The following ANKRD24 variants were observed in gnomAD, a reference collection of about 807,000 sequenced individuals.
The protein encoded by ANKRD24 is ankyrin repeat domain-containing protein 24.
Under a neutral mutation model 127.8 loss-of-function variants are expected in ANKRD24, and 109 were observed. The observed-to-expected ratio is 0.85, with a 90% CI of 0.73 to 1.00. The LOEUF (loss-of-function observed/expected upper bound fraction) is 1.00, where lower values mean the gene tolerates loss of function less well. ANKRD24 is among the 50% of genes least tolerant of loss of function. ANKRD24 has a pLI of 0.00. For synonymous variants in ANKRD24, 743 were observed against 671.1 expected (o/e 1.11, Z -1.66); for missense variants, 1,648 against 1,570.2 (o/e 1.05, Z -0.84).
In ANKRD24 at chr19:4,218,198, C is replaced by T. The variant is rs572918349; in HGVS notation, c.3003+35C>T. ...GCTGGTCACCACCCGGGCCCCACCC[C>T]CATTGGCCACGTGGCGGCCTGTTTT... On this transcript the variant is annotated intron_variant, in intron 18 of 21. Transcript: ENST00000318934. 3.1e-4 allele frequency: 440 copies of T among 1,409,448 alleles called. 1 individual carries two copies. The highest frequency in any genetic ancestry group is 3.9e-4 in the Non-Finnish European group (418 of 1,079,482). The allele number at this position is 1,409,448 out of a possible 1,614,324, so 87.3% of individuals were successfully genotyped here. A position where few individuals can be genotyped will look rare whatever the true frequency, so the allele number is the denominator to read the frequency against.
chr19:4,204,050 G>A (rs576710602), intron 7 of ANKRD24, among the ~76,000 whole-genome samples: 2 of 134,204 alleles, frequency 1.5e-5, no homozygotes, highest in East Asian at 4.9e-4. Context: ...TGCAAGCTCC[G>A]CCTCCCGGGT....
intron 1 of ANKRD24, among the ~76,000 whole-genome samples, chr19:4,185,311 G>C (rs894509737): frequency 6.6e-5 from 10 of 152,036 alleles, no homozygotes; most frequent in Admixed American, 6.5e-4. Context: ...GTTTGTGGGT[G>C]GTGGCCAGTG....
intron 19 of ANKRD24, among the ~76,000 whole-genome samples, chr19:4,220,772 G>T (rs1451239476): frequency 6.6e-6 from 1 of 151,828 alleles, no homozygotes; most frequent in East Asian, 2.0e-4. Flanking sequence ...AGCTGGGATG[G>T]TCTCAATCTC....
chr19:4,193,563 C>T (rs953551532), intron 2 of ANKRD24, among the ~76,000 whole-genome samples: 9 of 151,446 alleles, frequency 5.9e-5, no homozygotes, highest in Non-Finnish European at 1.0e-4. Context: ...TGATGGCAGG[C>T]GCGGTGGCTC....
intron 2 of ANKRD24, among the ~76,000 whole-genome samples, chr19:4,192,801 T>C (rs919903113): frequency 6.6e-6 from 1 of 150,954 alleles, no homozygotes; most frequent in Non-Finnish European, 1.5e-5. Flanking sequence ...GGTATGGTGG[T>C]GTGTGCCTGT....
At chr19:4,212,332 A>G in intron 13 of ANKRD24, 143 bp from the exon 14 acceptor site, 1 of 924,316 alleles carries the variant, frequency 1.1e-6, no homozygotes, top group Non-Finnish European at 1.6e-6. Context: ...AATAGTAATG[A>G]GTGAGCGGGC....
intron 1 of ANKRD24, chr19:4,183,441 C>CTCT: frequency 1.3e-6 from 1 of 769,068 alleles, no homozygotes; most frequent in Non-Finnish European, 1.6e-6. Context: ...ACCATCTATG[C>CTCT]CCTGGTGGCT....
chr19:4,188,028 A>T (rs1968165373), intron 2 of ANKRD24, among the ~76,000 whole-genome samples: 1 of 152,054 alleles, frequency 6.6e-6, no homozygotes, highest in Non-Finnish European at 1.5e-5. Flanking sequence ...CATTTTTGAA[A>T]AGCCAAAAAG....
intron 2 of ANKRD24, among the ~76,000 whole-genome samples, chr19:4,187,644 G>A (rs1040542685): frequency 6.6e-5 from 10 of 152,174 alleles, no homozygotes; most frequent in African/African-American, 2.4e-4. Context: ...GGGCACAGAT[G>A]GGGAGGATGA....
At position 4,198,662 on chromosome 19, in the gene ANKRD24, G is replaced by GT. The variant is rs1216732630; in HGVS notation, c.37-1020dup. The GT allele has an allele frequency of 1.5e-5, 6 of 401,734 alleles. No individual in the cohort carries two copies. Among genetic ancestry groups the GT allele is most frequent in the Middle Eastern group, 6.3e-4 (1 of 1,586 alleles). 24.9% of individuals were successfully genotyped at this position (401,734 alleles called of 1,614,324 possible). On this transcript the variant is annotated intron_variant, in intron 2 of 21. Transcript: ENST00000318934. This position sits in a 1 kb window ranked among gnomAD's most constrained non-coding sequence, Gnocchi z 6.1. Reference sequence around the variant, plus strand: ...CGGGAAAGATGGTCGGCGGCGGGGGGTGGGGGGGAACAGAGGTTGGGGCAG... The same window carrying GT: ...CGGGAAAGATGGTCGGCGGCGGGGGGTTGGGGGGGAACAGAGGTTGGGGCAG...
In ANKRD24 at chr19:4,208,794, C is replaced by T. The variant is rs1367951231; in HGVS notation, c.863C>T (p.Ser288Leu). The change falls in exon 11 of 22, where the codon TCA becomes TTA. Residue 288 changes from serine to leucine, a missense_variant. Physicochemically the swap from Ser to Leu is moderately radical, Grantham distance 145 (BLOSUM62 -2). Transcript: ENST00000318934. ...ACAGAGGATGATTCAGGCGAGGCGT[C>T]ATCTCAGGTATGGACCCCTAAGCAG... The part of the protein sequence containing the change: ...ALTEDDSGEA[S>L]SQNSMSSHGK... 14 of 1,613,336 alleles carry T rather than the reference C, an allele frequency of 8.7e-6. No individual in the cohort carries two copies. Among genetic ancestry groups the T allele is most frequent in the Non-Finnish European group, 1.2e-5 (14 of 1,179,614 alleles).
rs562104694 is a variant in ANKRD24, at chr19:4,182,758, G to T, written c.-37+18G>T. 559 of 985,442 alleles carry T rather than the reference G, an allele frequency of 5.7e-4. 1 individual carries two copies. Among genetic ancestry groups the T allele is most frequent in the Non-Finnish European group, 6.4e-4 (531 of 829,926 alleles). The allele number at this position is 985,442 out of a possible 1,614,324, so 61.0% of individuals were successfully genotyped here. On this transcript the variant is annotated intron_variant, in intron 1 of 21. Coordinates refer to ENST00000318934, the MANE Select transcript of ANKRD24 (RefSeq NM_001393985.1). ...GCATGCAGGTGTTTGCGGGGCTTGG[G>T]AAGGGGCTCCCCGATGACCCGGGCG...
At position 4,210,824 on chromosome 19, in the gene ANKRD24, A is replaced by T. The variant is rs868274870; in HGVS notation, c.1059+452A>T. Among the ~76,000 whole-genome samples, 16 of 65,266 alleles carry T rather than the reference A, an allele frequency of 2.5e-4. No individual in the cohort carries two copies. In the East Asian group the frequency reaches 3.0e-3, roughly 12 times the overall value. 42.8% of individuals were successfully genotyped at this position (65,266 alleles called of 152,430 possible). On this transcript the variant is annotated intron_variant, in intron 13 of 21. Transcript: ENST00000318934. ...CGCTAGTTCACTTTATTTTTTTTTT[A>T]TTTATTTTTGGTTTTGTTTTGTTTT... is the stretch of plus-strand genomic sequence containing the variant.
intron 10 of ANKRD24, among the ~76,000 whole-genome samples, chr19:4,208,329 C>T (rs1419162055): frequency 1.3e-5 from 2 of 152,084 alleles, no homozygotes; most frequent in Non-Finnish European, 2.9e-5. Flanking sequence ...CATGGTGAAA[C>T]CCTGTCTCCA....
At chr19:4,197,086 G>A (rs957674012) in intron 2 of ANKRD24, among the ~76,000 whole-genome samples, 2 of 152,086 alleles carry the variant, frequency 1.3e-5, no homozygotes, top group Non-Finnish European at 2.9e-5. Flanking sequence ...GCATCCTCCC[G>A]GTAACCCTCC....
At chr19:4,212,431 C>G in intron 13 of ANKRD24, 44 bp from the exon 14 acceptor site, 1 of 1,561,894 alleles carries the variant, frequency 6.4e-7, no homozygotes, top group African/African-American at 1.4e-5. Flanking sequence ...GGCAGGGAGG[C>G]CTCTTGCCCA....
Position 4,198,953 on chromosome 19 carries a change from G to A in ANKRD24, c.37-730G>A, listed in dbSNP as rs1193927219. On this transcript the variant is annotated intron_variant, in intron 2 of 21. Transcript: ENST00000318934. The surrounding 1 kb of genome is among the most constrained non-coding windows in gnomAD (Gnocchi z 6.1). ...TTGGAGGATATTTTTGGGACATGAC[G>A]GTATCATTGGGAAGGATGGTTTTAC... Among the ~76,000 whole-genome samples the A allele has an allele frequency of 2.0e-5, 3 of 152,046 alleles. No homozygotes were observed. The East Asian group carries it at 5.8e-4, about 29-fold the overall frequency.
chr19:4,201,983 C>T lies in ANKRD24; in HGVS notation c.344-43C>T, dbSNP rs747715126. The stretch of plus-strand genomic sequence containing the variant: ...TGGCTTGGGGAGCAGCTGGGAGCTA[C>T]TTGAATAGCTGGAGCTCCAGTAAAT... On this transcript the variant is annotated intron_variant, in intron 5 of 21. Coordinates refer to ENST00000318934, the MANE Select transcript of ANKRD24 (RefSeq NM_001393985.1). The T allele has an allele frequency of 3.8e-6, 6 of 1,581,582 alleles. No individual in the cohort carries two copies. The African/African-American group carries it at 6.7e-5, about 18-fold the overall frequency.
intron 2 of ANKRD24, among the ~76,000 whole-genome samples, chr19:4,197,954 C>T (rs1449302639): frequency 1.3e-5 from 2 of 152,002 alleles, no homozygotes; most frequent in Admixed American, 1.3e-4. Context: ...AATGAATGGG[C>T]GGGCCGGTGA....
Sources: allele counts gnomAD v4.1 joint callset (sites outside exome capture counted in the v4.1 genomes callset), GRCh38; gene constraint gnomAD v4.1.1; non-coding constraint Gnocchi (gnomAD v3.1); transcripts MANE v1.5; gene names NCBI Gene and HGNC (gene_info 2026-07-23, HGNC 2026-07-21).